Variants in PLD1 observed in about 807,000 individuals in gnomAD.
The protein encoded by PLD1 is choline phosphatase 1.
Under a neutral mutation model 137.1 loss-of-function variants are expected in PLD1, and 112 were observed. That is an observed-to-expected ratio of 0.82 (90% CI 0.70 to 0.96). The LOEUF (loss-of-function observed/expected upper bound fraction) is 0.96. Among genes scored for constraint, PLD1 ranks in the 40% least tolerant of loss-of-function variants. The pLI, the probability that PLD1 is intolerant of heterozygous loss-of-function variation, is 0.00. For synonymous variants in PLD1, 431 were observed against 454.7 expected, an observed-to-expected ratio of 0.95 and a Z score of 0.66; for missense variants, 1,321 against 1,342.0, an observed-to-expected ratio of 0.98 and a Z score of 0.24.
At chr3:171,745,815 G>A (rs921277351) in intron 1 of PLD1, among the ~76,000 whole-genome samples, 3 of 152,140 alleles carry the variant, frequency 2.0e-5, no homozygotes, top group East Asian at 1.9e-4. Flanking sequence ...TCAGCCCACC[G>A]CTGCACTGTG....
chr3:171,652,196 G>A lies in PLD1; in HGVS notation c.2429+7017C>T, dbSNP rs143915572. Among the ~76,000 whole-genome samples the A allele has an allele frequency of 9.3e-4, 142 of 152,182 alleles. 2 individuals are homozygous for A. In the East Asian group the frequency reaches 0.025, roughly 27 times the overall value. On this transcript the variant is annotated intron_variant, in intron 21 of 26. Transcript: ENST00000351298. ...TGGCAGGCCAAGGCGGGCGGACCACGAGGTCAGCAGATCGAGACCATCCTG... is the reference window on the plus strand; with the variant it reads ...TGGCAGGCCAAGGCGGGCGGACCACAAGGTCAGCAGATCGAGACCATCCTG...
intron 6 of PLD1, among the ~76,000 whole-genome samples, chr3:171,726,938 G>T (rs1181826621): frequency 6.6e-6 from 1 of 152,104 alleles, no homozygotes; most frequent in Non-Finnish European, 1.5e-5. Context: ...GGGCTTTGTG[G>T]GCATACATTC....
intron 1 of PLD1, among the ~76,000 whole-genome samples, chr3:171,795,717 A>C (rs1195922728): frequency 1.3e-5 from 2 of 152,194 alleles, no homozygotes. Flanking sequence ...CTTGTGTTTT[A>C]CTCATGCTAT....
intron 1 of PLD1, among the ~76,000 whole-genome samples, chr3:171,761,223 T>C (rs1721370970): frequency 6.6e-6 from 1 of 152,162 alleles, no homozygotes. Flanking sequence ...ACACACTTTA[T>C]AGTCAGGCAA....
intron 19 of PLD1, among the ~76,000 whole-genome samples, chr3:171,664,259 G>GA (rs535227759): frequency 1.5e-3 from 227 of 152,226 alleles, no homozygotes; most frequent in African/African-American, 5.0e-3. Flanking sequence ...TCATCAGGTA[G>GA]AAAAAACAAA....
intron 1 of PLD1, among the ~76,000 whole-genome samples, chr3:171,766,741 T>A (rs1332804884): frequency 3.3e-5 from 5 of 152,218 alleles, no homozygotes; most frequent in Non-Finnish European, 5.9e-5. Context: ...TTTTTCCTTT[T>A]GTGATTTCCT....
chr3:171,638,448 C>T (rs1223142552), intron 23 of PLD1, among the ~76,000 whole-genome samples: 1 of 152,120 alleles, frequency 6.6e-6, no homozygotes, highest in Non-Finnish European at 1.5e-5. Flanking sequence ...TACGGGACCA[C>T]CATCATGCTG....
chr3:171,670,656 T>C (rs1475114081), intron 19 of PLD1, among the ~76,000 whole-genome samples: 4 of 152,260 alleles, frequency 2.6e-5, no homozygotes, highest in Non-Finnish European at 5.9e-5. Flanking sequence ...TCCTAGTTTC[T>C]TAACTCTTAT....
chr3:171,681,582 T>TATATTTTAAAAA (rs1713977055), intron 16 of PLD1, among the ~76,000 whole-genome samples: 1 of 152,234 alleles, frequency 6.6e-6, no homozygotes, highest in African/African-American at 2.4e-5. Flanking sequence ...CTGAACAAGT[T>TATATTTTAAAAA]ATATTTTAAA....
At chr3:171,658,992 G>A (rs927502390) in intron 21 of PLD1, among the ~76,000 whole-genome samples, 2 of 152,166 alleles carry the variant, frequency 1.3e-5, no homozygotes, top group Admixed American at 1.3e-4. Flanking sequence ...GACTGGCCAG[G>A]AAGAAATTTT....
rs762675942 is a variant in PLD1 at position 171,688,868 on chromosome 3, T to G, written c.1347A>C (p.Arg449Ser). ...MRLHPNIKVM[R>S]HPDHVSSTVY... is the part of the protein sequence containing the mutation. ...CGGTGGATGACACATGATCCGGGTG[T>G]CTCATCACCTTGAGAGGGAATAATC... The change falls in exon 14 of 27, where the codon AGA becomes AGC. Residue 449 changes from arginine to serine, a missense_variant. Transcript: ENST00000351298. 16 of 1,613,146 alleles carry G rather than the reference T, an allele frequency of 9.9e-6. No individual in the cohort carries two copies. Among genetic ancestry groups the G allele is most frequent in the African/African-American group, 1.3e-5 (1 of 74,914 alleles).
chr3:171,780,608 G>A (rs1228271016), intron 1 of PLD1, among the ~76,000 whole-genome samples: 4 of 152,166 alleles, frequency 2.6e-5, no homozygotes. Flanking sequence ...CAGAAGCCAG[G>A]TGAAAAGAGT....
intron 24 of PLD1, among the ~76,000 whole-genome samples, chr3:171,616,783 C>G (rs1393876740): frequency 6.6e-6 from 1 of 152,164 alleles, no homozygotes; most frequent in Non-Finnish European, 1.5e-5. Context: ...GTGGGACTCA[C>G]GCTGAATTTC....
At chr3:171,686,547 C>G in intron 16 of PLD1, 138 bp downstream of exon 16, 1 of 622,844 alleles carries the variant, frequency 1.6e-6, no homozygotes, top group Non-Finnish European at 2.9e-6. Context: ...TTGCACAGAG[C>G]AGGCTCTCAA....
In PLD1 at chr3:171,610,188, A is replaced by AT. The variant is rs942582341; in HGVS notation, c.2882+2090dup. Reference sequence around the variant, plus strand: ...CAAGAAGGTATCTACAAACATACCCATTTTTTTATATCAGCAAAAATATCT... The same window carrying AT: ...CAAGAAGGTATCTACAAACATACCCATTTTTTTTATATCAGCAAAAATATCT... On this transcript the variant is annotated intron_variant, in intron 25 of 26. Coordinates refer to ENST00000351298, the MANE Select transcript of PLD1 (RefSeq NM_002662.5). Among the ~76,000 whole-genome samples, 3 of 152,252 alleles carry AT rather than the reference A, an allele frequency of 2.0e-5. No homozygotes were observed. The East Asian group carries it at 5.8e-4, about 29-fold the overall frequency.
intron 8 of PLD1, among the ~76,000 whole-genome samples, chr3:171,723,625 C>G (rs1718299570): frequency 6.6e-6 from 1 of 152,138 alleles, no homozygotes; most frequent in South Asian, 2.1e-4. Flanking sequence ...CACATCCTCA[C>G]CAGTATGTTA....
intron 23 of PLD1, among the ~76,000 whole-genome samples, chr3:171,629,482 T>C (rs1322728432): frequency 3.3e-5 from 5 of 152,172 alleles, no homozygotes; most frequent in African/African-American, 1.2e-4. Flanking sequence ...AAGCTACCAA[T>C]GACTTTCTTC....
chr3:171,718,370 C>T (rs1717831604), intron 8 of PLD1, among the ~76,000 whole-genome samples: 1 of 152,188 alleles, frequency 6.6e-6, no homozygotes, highest in Admixed American at 6.5e-5. Flanking sequence ...GGCGGATTCA[C>T]ACTCAAATTC....
In PLD1 at chr3:171,672,501, T is replaced by A. The variant is rs532472628; in HGVS notation, c.2229+1999A>T. Among the ~76,000 whole-genome samples, 311 of 152,146 alleles carry A rather than the reference T, an allele frequency of 2.0e-3. 3 individuals carry two copies. The highest frequency in any genetic ancestry group is 7.0e-3 in the African/African-American group (289 of 41,522). ...TCTTTTAGTTTTTATTTTTATTTTT[T>A]TTTTTTGAGTCAGTCTCGCTCTGTT... is the stretch of plus-strand genomic sequence containing the variant. On this transcript the variant is annotated intron_variant, in intron 19 of 26. Transcript: ENST00000351298.
Sources: gnomAD v4.1 joint callset for allele counts (sites outside exome capture counted in the v4.1 genomes callset) on GRCh38, gnomAD v4.1.1 for gene constraint, MANE v1.5 for transcripts, NCBI Gene and HGNC (gene_info 2026-07-23, HGNC 2026-07-21) for gene names.